Variants in CD163 observed in about 807,000 individuals in gnomAD.
CD163 encodes the protein CD163 molecule.
A neutral mutation model predicts 129.2 loss-of-function variants in CD163; 64 were observed. The observed-to-expected ratio is 0.50, with a 90% CI of 0.41 to 0.61. The LOEUF (loss-of-function observed/expected upper bound fraction) is 0.61, where lower values mean the gene tolerates loss of function less well. CD163 is among the 20% of genes least tolerant of loss of function. CD163 has a pLI of 0.00. For synonymous variants in CD163, 446 were observed against 478.5 expected (o/e 0.93, Z 0.89); for missense variants, 1,061 against 1,377.9 (o/e 0.77, Z 3.64).
chr12:7,483,025 A>G, intron 12 of CD163, 21 bp from the exon 13 acceptor site: 1 of 1,611,660 alleles, frequency 6.2e-7, no homozygotes, highest in Middle Eastern at 1.7e-4. Flanking sequence ...AAAGAAAGAG[A>G]GAGGGTTAAT....
At chr12:7,488,239 T>C in intron 6 of CD163, 152 bp from the exon 7 acceptor site, 3 of 797,004 alleles carry the variant, frequency 3.8e-6, no homozygotes, top group East Asian at 2.7e-5. Flanking sequence ...CTGCCTCGAG[T>C]TGGGTATGGA....
intron 5 of CD163, 129 bp from the exon 6 acceptor site, chr12:7,495,530 T>G (rs1423961661): frequency 7.6e-6 from 6 of 786,016 alleles, no homozygotes; most frequent in Non-Finnish European, 1.2e-5. Flanking sequence ...TCCTGACTTT[T>G]TAAGAAACAA....
At position 7,498,965 on chromosome 12, in the gene CD163, T is replaced by C; in HGVS notation, c.681A>G (p.Ile227Met). 6.2e-7 allele frequency: 1 copy of C among 1,614,142 alleles called. No individual in the cohort carries two copies. The highest frequency in any genetic ancestry group is 1.3e-5 in the African/African-American group (1 of 75,046). The change falls in exon 4 of 17, where the codon ATA (isoleucine) becomes ATG (methionine). Residue 227 changes from isoleucine to methionine, a missense_variant. Transcript: ENST00000432237. ...AGAGAGCTGACTCATTTCCGTTGCA[T>C]ATAAGATCATCAAACCAGATTGGTC... is the stretch of plus-strand genomic sequence containing the variant. ...GSGPIWFDDL[I>M]CNGNESALWN...
chr12:7,481,111 A>T lies in CD163; in HGVS notation c.3343+50T>A, dbSNP rs377039833. The T allele has an allele frequency of 8.2e-6, 13 of 1,586,862 alleles. 1 individual carries two copies. In the African/African-American group the frequency reaches 1.6e-4, roughly 20 times the overall value. On this transcript the variant is annotated intron_variant, in intron 15 of 16. Coordinates refer to ENST00000432237, the MANE Select transcript of CD163 (RefSeq NM_203416.4). ...AGTAGAATGTCTGTGCCTCAACTGC[A>T]GCCACTGATCTGAACCCCTGGGCAA...
chr12:7,483,777 T>G, intron 11 of CD163, 102 bp from the exon 12 acceptor site: 1 of 447,036 alleles, frequency 2.2e-6, no homozygotes, highest in Non-Finnish European at 3.6e-6. Context: ...AAAAAAAAAC[T>G]ATTTAAAATT....
At chr12:7,476,468 C>T (rs546733312) in intron 16 of CD163, among the ~76,000 whole-genome samples, 173 of 152,168 alleles carry the variant, frequency 1.1e-3, no homozygotes, top group African/African-American at 3.9e-3. Context: ...ACAAACCTGC[C>T]AAAAACAAGC....
rs753868663 is a variant in CD163, at chr12:7,500,186, C to T, written c.457+953G>A. Among the ~76,000 whole-genome samples the T allele has an allele frequency of 2.7e-3, 409 of 151,534 alleles. 1 individual carries two copies. The highest frequency in any genetic ancestry group is 3.6e-3 in the Admixed American group (55 of 15,208). ...CTGTAATCCCAGGATTTTGGGAGGC[C>T]GAGGCAGGTGGATCACCTGAGCTCA... On this transcript the variant is annotated intron_variant, in intron 3 of 16. Transcript: ENST00000432237.
In CD163 at chr12:7,486,541, G is replaced by C. The variant is rs1411986336; in HGVS notation, c.2416C>G (p.Gln806Glu). 1 of 1,614,100 alleles carries C rather than the reference G, an allele frequency of 6.2e-7. No homozygotes were observed. Among genetic ancestry groups the C allele is most frequent in the Admixed American group, 1.7e-5 (1 of 60,020 alleles). Residue 806 changes from glutamine to glutamate, a missense_variant, in exon 10 of 17, where the codon CAA becomes GAA. Gln to Glu is a conservative substitution (Grantham distance 29). Transcript: ENST00000432237. ...WQCHSHGWGQ[Q>E]NCRHKEDAGV... ...GCATCCTCCTTGTGCCTGCAATTTTGCTGCCCCCAGCCGTGTGAATGGCAC... is the reference window on the plus strand; with the variant it reads ...GCATCCTCCTTGTGCCTGCAATTTTCCTGCCCCCAGCCGTGTGAATGGCAC...
Position 7,486,786 on chromosome 12 carries a change from C to G in CD163, c.2171G>C (p.Gly724Ala). 1 of 1,610,730 alleles carries G rather than the reference C, an allele frequency of 6.2e-7. No homozygotes were observed. The highest frequency in any genetic ancestry group is 2.2e-5 in the East Asian group (1 of 44,810). ...IESGQLRLVN[G>A]GGRCAGRVEI... The stretch of plus-strand genomic sequence containing the variant: ...TACTCTCCCAGCACAGCGACCTCCT[C>G]CATTTACCAGGCGAAGTTGACCACT... Residue 724 changes from glycine to alanine, a missense_variant, in exon 10 of 17, where the codon GGA becomes GCA. Transcript: ENST00000432237.
chr12:7,483,758 C>CA, intron 11 of CD163, 83 bp from the exon 12 acceptor site: 1 of 568,048 alleles, frequency 1.8e-6, no homozygotes, highest in Non-Finnish European at 2.5e-6. Context: ...AGATTTGAAA[C>CA]TTAAAAAAAA....
chr12:7,482,605 C>T (rs1467505569), intron 14 of CD163, 38 bp downstream of exon 14: 2 of 1,611,624 alleles, frequency 1.2e-6, no homozygotes, highest in East Asian at 4.5e-5. Flanking sequence ...ACCCCCTTAT[C>T]CTGTAGACAT....
At chr12:7,475,460 T>C (rs1949074342) in intron 16 of CD163, among the ~76,000 whole-genome samples, 1 of 152,074 alleles carries the variant, frequency 6.6e-6, no homozygotes, top group South Asian at 2.1e-4. Context: ...ACGTAATCCA[T>C]CATATAAACA....
rs1282672152 is a variant in CD163 at position 7,496,540 on chromosome 12, G to C, written c.1099+273C>G. On this transcript the variant is annotated intron_variant, in intron 5 of 16. Transcript: ENST00000432237. This position sits in a 1 kb window ranked among gnomAD's most constrained non-coding sequence, Gnocchi z 4.8. ...TAAAAACAGATTCCTAGGAAATTTTGTCTCTCTGAGCTCCAGGTAGATTCT... is the reference window on the plus strand; with the variant it reads ...TAAAAACAGATTCCTAGGAAATTTTCTCTCTCTGAGCTCCAGGTAGATTCT... Among the ~76,000 whole-genome samples, 1 of 152,108 alleles carries C rather than the reference G, an allele frequency of 6.6e-6. No individual in the cohort carries two copies. The highest frequency in any genetic ancestry group is 1.5e-5 in the Non-Finnish European group (1 of 68,024).
chr12:7,498,744 G>T, intron 4 of CD163, 124 bp downstream of exon 4: 1 of 950,178 alleles, frequency 1.1e-6, no homozygotes, highest in Non-Finnish European at 1.6e-6. Context: ...CTGAAGTTAG[G>T]TTAAAATGCG....
chr12:7,472,400 T>TG (rs1377926067), intron 16 of CD163, among the ~76,000 whole-genome samples: 3 of 152,256 alleles, frequency 2.0e-5, no homozygotes, highest in African/African-American at 7.2e-5. Flanking sequence ...TTTGCTGTTC[T>TG]GCAGCCTTCG....
chr12:7,480,733 G>T, intron 15 of CD163: 1 of 327,372 alleles, frequency 3.1e-6, no homozygotes. Context: ...GATGATGGGT[G>T]TGTTCATTTG....
intron 6 of CD163, 125 bp from the exon 7 acceptor site, chr12:7,488,212 T>G (rs1949283399): frequency 1.9e-6 from 2 of 1,030,896 alleles, no homozygotes; most frequent in South Asian, 1.7e-5. Context: ...TTCCTACACT[T>G]GTTTGTCTTG....
Position 7,487,766 on chromosome 12 carries a change from G to A in CD163, c.1735+7C>T, listed in dbSNP as rs1044767928. 15 of 1,613,746 alleles carry A rather than the reference G, an allele frequency of 9.3e-6. No individual in the cohort carries two copies. The highest frequency in any genetic ancestry group is 1.3e-5 in the African/African-American group (1 of 74,898). Reference sequence around the variant, plus strand: ...AGAACCAATTAAAGATGTTTTCTGGGTCTTACTTGAGCAGACTACTCCAAC... The same window carrying A: ...AGAACCAATTAAAGATGTTTTCTGGATCTTACTTGAGCAGACTACTCCAAC... On this transcript the variant is annotated splice_region_variant and intron_variant, in intron 7 of 16. Transcript: ENST00000432237. This position sits in a 1 kb window ranked among gnomAD's most constrained non-coding sequence, Gnocchi z 5.1.
In CD163 at chr12:7,487,971, T is replaced by G. The variant is rs141770668; in HGVS notation, c.1537A>C (p.Ser513Arg). Residue 513 changes from serine to arginine, a missense_variant, in exon 7 of 17, where the codon AGC becomes CGC. Transcript: ENST00000432237. The surrounding 1 kb of genome is among the most constrained non-coding windows in gnomAD (Gnocchi z 5.1). ...CACTGTAATTCCCTGCATAGAACGCTGGCAGCTTCCAGAGAGAAGTCCGAA... is the reference window on the plus strand; with the variant it reads ...CACTGTAATTCCCTGCATAGAACGCGGGCAGCTTCCAGAGAGAAGTCCGAA... The part of the protein sequence containing the change: ...CDSDFSLEAA[S>R]VLCRELQCGT... The G allele has an allele frequency of 2.5e-6, 4 of 1,614,034 alleles. No individual in the cohort carries two copies. In the African/African-American group the frequency reaches 5.3e-5, roughly 22 times the overall value.
Sources: gnomAD v4.1 joint callset for allele counts (sites outside exome capture counted in the v4.1 genomes callset) on GRCh38, gnomAD v4.1.1 for gene constraint, Gnocchi (gnomAD v3.1) non-coding constraint, MANE v1.5 for transcripts, NCBI Gene and HGNC (gene_info 2026-07-23, HGNC 2026-07-21) for gene names.